The following PAPOLA variants were observed in gnomAD, a reference collection of about 807,000 sequenced individuals.
PAPOLA encodes the protein polynucleotide adenylyltransferase alpha.
Under a neutral mutation model 100.6 loss-of-function variants are expected in PAPOLA, and 15 were observed. The ratio of observed to expected loss-of-function variants is 0.15; its 90% CI spans 0.10 to 0.23. The LOEUF (loss-of-function observed/expected upper bound fraction) is 0.23, where lower values mean the gene tolerates loss of function less well. PAPOLA is among the 10% of genes least tolerant of loss of function. PAPOLA has a pLI of 1.00. For missense variants in PAPOLA, 533 were observed against 884.2 expected (o/e 0.60, Z 5.04); for synonymous variants, 293 against 300.0 (o/e 0.98, Z 0.24).
intron 12 of PAPOLA, among the ~76,000 whole-genome samples, chr14:96,539,607 G>C (rs1336655405): frequency 6.6e-6 from 1 of 151,930 alleles, no homozygotes; most frequent in Non-Finnish European, 1.5e-5. Flanking sequence ...TTAAATTTGG[G>C]GAAAAGGTAA....
At position 96,562,814 on chromosome 14, in the gene PAPOLA, C is replaced by T. The variant is rs903414620; in HGVS notation, c.2068-5C>T. 2 of 1,593,394 alleles carry T rather than the reference C, an allele frequency of 1.3e-6. No homozygotes were observed. The highest frequency in any genetic ancestry group is 1.3e-5 in the African/African-American group (1 of 74,306). ...TCCCCCTTCCCCATCCTCTTTGTCTCACAGGAACAACTTGATACAGAGACA... is the reference window on the plus strand; with the variant it reads ...TCCCCCTTCCCCATCCTCTTTGTCTTACAGGAACAACTTGATACAGAGACA... On this transcript the variant is annotated splice_polypyrimidine_tract_variant and splice_region_variant and intron_variant, in intron 20 of 21. Transcript: ENST00000216277.
chr14:96,516,834 G>A lies in PAPOLA; in HGVS notation c.9-3221G>A, dbSNP rs188934874. ...ATTAGGCTGAACAAGTCTTGTGCGC[G>A]TTTAGAAATCAGGGCCTGTATTCTA... On this transcript the variant is annotated intron_variant, in intron 1 of 21. Transcript: ENST00000216277. Among the ~76,000 whole-genome samples the A allele has an allele frequency of 1.4e-3, 213 of 152,292 alleles. 1 individual carries two copies. Among genetic ancestry groups the A allele is most frequent in the African/African-American group, 4.8e-3 (200 of 41,564 alleles).
chr14:96,533,341 C>G, intron 9 of PAPOLA: 1 of 982,610 alleles, frequency 1.0e-6, no homozygotes, highest in Non-Finnish European at 1.2e-6. Context: ...TTATGAACTC[C>G]TGCTCCTCCC....
At chr14:96,514,221 C>T (rs917331120) in intron 1 of PAPOLA, among the ~76,000 whole-genome samples, 1 of 151,272 alleles carries the variant, frequency 6.6e-6, no homozygotes, top group African/African-American at 2.4e-5. Context: ...TTCTGTTGCC[C>T]AGGCTGGAGT....
At chr14:96,553,727 G>T (rs1042859175) in intron 17 of PAPOLA, among the ~76,000 whole-genome samples, 2 of 152,100 alleles carry the variant, frequency 1.3e-5, no homozygotes, top group African/African-American at 4.8e-5. Context: ...GGCCAGGCTG[G>T]TCTTGAATTC....
At chr14:96,531,120 G>T (rs1234831085) in intron 6 of PAPOLA, among the ~76,000 whole-genome samples, 1 of 152,102 alleles carries the variant, frequency 6.6e-6, no homozygotes, top group Admixed American at 6.6e-5. Flanking sequence ...TCCTGCCTCA[G>T]CCTCCCCAGT....
intron 9 of PAPOLA, chr14:96,534,134 G>A: frequency 9.6e-7 from 1 of 1,036,274 alleles, no homozygotes; most frequent in Non-Finnish European, 1.2e-6. Flanking sequence ...GATGGAACTA[G>A]TATAAAGGCA....
chr14:96,510,136 T>G (rs74768319), intron 1 of PAPOLA, among the ~76,000 whole-genome samples: 8,331 of 152,198 alleles, frequency 0.055, 227 homozygotes, highest in Non-Finnish European at 0.058. Flanking sequence ...TTATTCCCTC[T>G]ATATTTTGTC....
At chr14:96,544,832 A>C (rs1428275361) in intron 15 of PAPOLA, among the ~76,000 whole-genome samples, 1 of 152,052 alleles carries the variant, frequency 6.6e-6, no homozygotes, top group Non-Finnish European at 1.5e-5. Context: ...GACCTGGAGA[A>C]ATTTTCCGAC....
chr14:96,511,337 G>T (rs965450599), intron 1 of PAPOLA, among the ~76,000 whole-genome samples: 3 of 152,062 alleles, frequency 2.0e-5, no homozygotes, highest in Non-Finnish European at 4.4e-5. Flanking sequence ...AAGGTGGGAG[G>T]ATTGCTTGAG....
At position 96,536,986 on chromosome 14, in the gene PAPOLA, C is replaced by G; in HGVS notation, c.1041C>G (p.Ile347Met). The change falls in exon 12 of 22, where the codon ATC (isoleucine) becomes ATG (methionine). Residue 347 changes from isoleucine (I) to methionine (M), a missense_variant. Around this residue, in one of 9 missense-constraint regions of PAPOLA, gnomAD observed 87 missense variants for 173.3 expected, o/e 0.50. Transcript: ENST00000216277. ...ATGTTTTTAATTTAGGTCTTGCTAT[C>G]ACAGATGAAATTTTGCTGAGTAAGG... ...MVEEFKQGLA[I>M]TDEILLSKAE... 1 of 1,591,952 alleles carries G rather than the reference C, an allele frequency of 6.3e-7. No homozygotes were observed. Among genetic ancestry groups the G allele is most frequent in the Non-Finnish European group, 8.6e-7 (1 of 1,160,054 alleles).
chr14:96,537,183 G>T (rs528108766), intron 12 of PAPOLA, 123 bp downstream of exon 12: 2 of 659,154 alleles, frequency 3.0e-6, no homozygotes, highest in Non-Finnish European at 5.5e-6. Flanking sequence ...CTGTCACAAG[G>T]ACATACTGTT....
At chr14:96,542,156 C>T in intron 12 of PAPOLA, 87 bp from the exon 13 acceptor site, 1 of 761,560 alleles carries the variant, frequency 1.3e-6, no homozygotes, top group South Asian at 1.8e-5. Flanking sequence ...GGATCTATAA[C>T]TGTAAGGAAG....
At chr14:96,557,068 CAG>C (rs1192914923) in intron 19 of PAPOLA, among the ~76,000 whole-genome samples, 1 of 152,060 alleles carries the variant, frequency 6.6e-6, no homozygotes, top group Non-Finnish European at 1.5e-5. Context: ...TGTTTTGAGA[CAG>C]GGGCTGGCTC....
intron 6 of PAPOLA, among the ~76,000 whole-genome samples, chr14:96,530,368 T>C (rs528780845): frequency 4.2e-4 from 64 of 152,006 alleles, no homozygotes; most frequent in African/African-American, 1.5e-3. Context: ...TTAAAAATAT[T>C]GCCATGTTTG....
chr14:96,548,359 A>G (rs1403060100), intron 16 of PAPOLA, among the ~76,000 whole-genome samples: 2 of 152,148 alleles, frequency 1.3e-5, no homozygotes, highest in African/African-American at 2.4e-5. Context: ...ATTAAAAACT[A>G]AAAGTTGCTG....
chr14:96,531,681 ATTG>A (rs1200740232), intron 7 of PAPOLA, 95 bp downstream of exon 7: 7 of 1,534,682 alleles, frequency 4.6e-6, no homozygotes, highest in African/African-American at 4.1e-5. Flanking sequence ...TTATAGCTAT[ATTG>A]TTAACACAGT....
chr14:96,528,750 T>C (rs889133459), intron 6 of PAPOLA, among the ~76,000 whole-genome samples: 5 of 152,216 alleles, frequency 3.3e-5, no homozygotes, highest in Admixed American at 2.6e-4. Flanking sequence ...AATTCACTGT[T>C]GTACTATTTT....
Position 96,565,087 on chromosome 14 carries a change from C to G in PAPOLA, c.*37C>G. On this transcript the variant is annotated 3_prime_UTR_variant, in exon 22 of 22. Coordinates refer to ENST00000216277, the MANE Select transcript of PAPOLA (RefSeq NM_032632.5). The stretch of plus-strand genomic sequence containing the variant: ...GGGGTCCATAAACAATATCTGCCAA[C>G]TCAACCTGTTGTCTTCAAATGCTAA... 1 of 1,004,712 alleles carries G rather than the reference C, an allele frequency of 1.0e-6. No individual in the cohort carries two copies. The highest frequency in any genetic ancestry group is 1.6e-6 in the Non-Finnish European group (1 of 624,228). 62.2% of individuals were successfully genotyped at this position (1,004,712 alleles called of 1,614,324 possible).
Sources: gnomAD v4.1 joint callset for allele counts (sites outside exome capture counted in the v4.1 genomes callset) on GRCh38, gnomAD v4.1.1 for gene constraint, gnomAD v4.1.1 regional missense constraint, MANE v1.5 for transcripts, NCBI Gene and HGNC (gene_info 2026-07-23, HGNC 2026-07-21) for gene names.